The following AVEN variants were observed in gnomAD, a reference collection of about 807,000 sequenced individuals.
AVEN encodes apoptosis and caspase activation inhibitor.
In AVEN, 41 loss-of-function variants were observed where a neutral mutation model predicts 38.1. That is an observed-to-expected ratio of 1.08 (90% CI 0.84 to 1.40). The LOEUF is 1.40. Among genes scored for constraint, AVEN ranks in the 40% most tolerant of loss-of-function variants. AVEN has a pLI of 0.00. For synonymous variants in AVEN, 206 were observed against 171.8 expected (o/e 1.20, Z -1.56); for missense variants, 605 against 438.8 (o/e 1.38, Z -3.38).
intron 2 of AVEN, among the ~76,000 whole-genome samples, chr15:33,969,771 G>A (rs1474756453): frequency 6.6e-6 from 1 of 151,980 alleles, no homozygotes; most frequent in East Asian, 1.9e-4. Context: ...TTCAACAAGA[G>A]GATAAAAAGA....
At chr15:33,883,497 T>C (rs1891576966) in intron 2 of AVEN, among the ~76,000 whole-genome samples, 1 of 152,138 alleles carries the variant, frequency 6.6e-6, no homozygotes, top group South Asian at 2.1e-4. Flanking sequence ...CTGTATGTAC[T>C]GACACAGAAA....
chr15:33,956,329 G>A (rs1055228566), intron 2 of AVEN, among the ~76,000 whole-genome samples: 5 of 152,012 alleles, frequency 3.3e-5, no homozygotes, highest in African/African-American at 7.3e-5. Context: ...CCAACACTGC[G>A]CATCCTCACT....
chr15:33,915,020 T>C (rs573454560), intron 2 of AVEN, among the ~76,000 whole-genome samples: 8 of 152,096 alleles, frequency 5.3e-5, no homozygotes, highest in African/African-American at 1.9e-4. Context: ...AGAAAGAAAG[T>C]ACCCTCAAAA....
intron 2 of AVEN, among the ~76,000 whole-genome samples, chr15:33,984,349 C>G (rs1203460368): frequency 6.6e-6 from 1 of 151,230 alleles, no homozygotes; most frequent in Non-Finnish European, 1.5e-5. Context: ...AATCTACATA[C>G]AAGATATTCT....
intron 2 of AVEN, among the ~76,000 whole-genome samples, chr15:33,929,766 G>T (rs961859562): frequency 1.3e-5 from 2 of 152,192 alleles, no homozygotes; most frequent in African/African-American, 4.8e-5. Flanking sequence ...CTGCTAAAGA[G>T]AAGCAGCAGG....
intron 2 of AVEN, among the ~76,000 whole-genome samples, chr15:33,985,248 C>T (rs1896372711): frequency 6.6e-6 from 1 of 150,456 alleles, no homozygotes; most frequent in Non-Finnish European, 1.5e-5. Flanking sequence ...GTGTCTCTGG[C>T]AAAAGGAGTA....
intron 2 of AVEN, among the ~76,000 whole-genome samples, chr15:33,906,540 A>G (rs113275177): frequency 3.9e-5 from 6 of 152,358 alleles, no homozygotes; most frequent in African/African-American, 1.4e-4. Context: ...TTTGGGCTAT[A>G]TAATAAGTGG....
chr15:33,924,647 T>G (rs1893545300), intron 2 of AVEN, among the ~76,000 whole-genome samples: 1 of 152,224 alleles, frequency 6.6e-6, no homozygotes, highest in Admixed American at 6.5e-5. Flanking sequence ...ACTGCTTCAT[T>G]ATGATTGTCT....
intron 2 of AVEN, among the ~76,000 whole-genome samples, chr15:33,898,559 A>C (rs1469660573): frequency 6.1e-5 from 7 of 115,330 alleles, no homozygotes; most frequent in South Asian, 3.0e-4. Flanking sequence ...CTGTGGTCCC[A>C]TGGCCTTCTT....
chr15:34,038,924 T>G lies in AVEN; in HGVS notation c.123A>C (p.Gly41=), dbSNP rs1278945833. 1.4e-6 allele frequency: 1 copy of G among 718,154 alleles called. No individual in the cohort carries two copies. The highest frequency in any genetic ancestry group is 5.1e-5 in the South Asian group (1 of 19,502). 44.5% of individuals were successfully genotyped at this position (718,154 alleles called of 1,614,324 possible). The change falls in exon 1 of 6, where the codon GGA becomes GGC. Residue 41 remains glycine, a synonymous_variant. Transcript: ENST00000306730. ...GTCCGCCTCCGTCCCCGCCGCCGCC[T>G]CCGCCGCCGCCTCTGGCTACCGCCG... ...AAAAVARGGG[G]GGGGDGGGRR...
At chr15:33,872,816 C>T (rs1891037699) in intron 3 of AVEN, among the ~76,000 whole-genome samples, 1 of 152,096 alleles carries the variant, frequency 6.6e-6, no homozygotes, top group African/African-American at 2.4e-5. Context: ...TGGTACCCAC[C>T]CTGTCCAAAG....
intron 5 of AVEN, among the ~76,000 whole-genome samples, chr15:34,052,909 A>T (rs555835054): frequency 6.6e-6 from 1 of 152,312 alleles, no homozygotes; most frequent in African/African-American, 2.4e-5. Flanking sequence ...TCATGAAAAT[A>T]GTCATACTGC....
At chr15:33,979,749 C>T (rs368060573) in intron 2 of AVEN, among the ~76,000 whole-genome samples, 2 of 152,242 alleles carry the variant, frequency 1.3e-5, no homozygotes, top group South Asian at 2.1e-4. Context: ...AAGAGAAGTT[C>T]GTTAGGCATC....
At chr15:33,947,192 T>G (rs1211720375) in intron 2 of AVEN, among the ~76,000 whole-genome samples, 3 of 152,162 alleles carry the variant, frequency 2.0e-5, no homozygotes, top group Admixed American at 2.0e-4. Flanking sequence ...CTTTCCCATC[T>G]AACTCTGGGA....
chr15:33,961,707 G>T (rs997470905), intron 2 of AVEN, among the ~76,000 whole-genome samples: 1 of 150,290 alleles, frequency 6.7e-6, no homozygotes, highest in Non-Finnish European at 1.5e-5. Flanking sequence ...CAGCTACTCG[G>T]GAGGCTGAGG....
chr15:33,984,666 T>C (rs770123104), intron 2 of AVEN, among the ~76,000 whole-genome samples: 3 of 152,188 alleles, frequency 2.0e-5, no homozygotes, highest in Admixed American at 1.3e-4. Flanking sequence ...CCTCCCAAAG[T>C]GCTCGGATTA....
At position 34,018,664 on chromosome 15, in the gene AVEN, G is replaced by C. The variant is rs889952537; in HGVS notation, c.268-15455C>G. On this transcript the variant is annotated intron_variant, in intron 1 of 5. Coordinates refer to ENST00000306730, the MANE Select transcript of AVEN (RefSeq NM_020371.3). ...TGAAAGAACAAAGCTTCCACAGAATGGAAAGGGACTCCAGTGGGTTGCTGC... is the reference window on the plus strand; with the variant it reads ...TGAAAGAACAAAGCTTCCACAGAATCGAAAGGGACTCCAGTGGGTTGCTGC... Among the ~76,000 whole-genome samples, 5 of 152,326 alleles carry C rather than the reference G, an allele frequency of 3.3e-5. No homozygotes were observed. The East Asian group carries it at 9.6e-4, about 29-fold the overall frequency.
chr15:33,876,069 G>A (rs184425082), intron 2 of AVEN, 74 bp from the exon 3 acceptor site: 1 of 1,392,384 alleles, frequency 7.2e-7, no homozygotes. Flanking sequence ...TTCCCTGCTA[G>A]AGCAAAAGTG....
downstream of AVEN, chr15:33,857,656 C>T: frequency 8.2e-7 from 1 of 1,212,590 alleles, no homozygotes; most frequent in Non-Finnish European, 1.2e-6. Flanking sequence ...GCCCTCCACC[C>T]CTTCCCCATT....
Sources: gnomAD v4.1 joint callset for allele counts (sites outside exome capture counted in the v4.1 genomes callset) on GRCh38, gnomAD v4.1.1 for gene constraint, MANE v1.5 for transcripts, NCBI Gene and HGNC (gene_info 2026-07-23, HGNC 2026-07-21) for gene names.